Variants in EPB41 observed in about 807,000 individuals in gnomAD.
The protein encoded by EPB41 is erythrocyte membrane protein band 4.1.
A neutral mutation model predicts 108.0 loss-of-function variants in EPB41; 65 were observed. That is an observed-to-expected ratio of 0.60 (90% CI 0.49 to 0.74). The LOEUF (loss-of-function observed/expected upper bound fraction) is 0.74, where lower values mean the gene tolerates loss of function less well. Among genes scored for constraint, EPB41 ranks in the 30% least tolerant of loss-of-function variants. EPB41 has a pLI of 0.00. For missense variants in EPB41, 875 were observed against 1,037.0 expected, an observed-to-expected ratio of 0.84 and a Z score of 2.15; for synonymous variants, 336 against 358.9, an observed-to-expected ratio of 0.94 and a Z score of 0.72.
At chr1:28,995,575 T>TA (rs1274248196) in intron 3 of EPB41, among the ~76,000 whole-genome samples, 1 of 152,050 alleles carries the variant, frequency 6.6e-6, no homozygotes, top group Non-Finnish European at 1.5e-5. Context: ...CAAAACAAAA[T>TA]AAAAACTAGA....
chr1:29,094,777 G>A (rs565200639), intron 16 of EPB41, among the ~76,000 whole-genome samples: 2 of 152,170 alleles, frequency 1.3e-5, no homozygotes, highest in Non-Finnish European at 2.9e-5. Context: ...CATCTACTGG[G>A]ATGGTATCTT....
Position 29,119,151 on chromosome 1 carries a change from G to A in EPB41, c.*2339G>A, listed in dbSNP as rs930820564. 2 of 152,578 alleles carry A rather than the reference G, an allele frequency of 1.3e-5. No individual in the cohort carries two copies. The highest frequency in any genetic ancestry group is 2.4e-5 in the African/African-American group (1 of 41,452). The allele number at this position is 152,578 out of a possible 1,614,324, so 9.5% of individuals were successfully genotyped here. Reference sequence around the variant, plus strand: ...TAAATTGGATGAAAAGAGCTCTAATGCCTTTCAGGCTCTTAGAAGCCATAG... The same window carrying A: ...TAAATTGGATGAAAAGAGCTCTAATACCTTTCAGGCTCTTAGAAGCCATAG... On this transcript the variant is annotated 3_prime_UTR_variant, in exon 21 of 21. Transcript: ENST00000343067.
chr1:29,054,719 G>A (rs557078038), intron 12 of EPB41, among the ~76,000 whole-genome samples: 25 of 152,154 alleles, frequency 1.6e-4, no homozygotes, highest in South Asian at 4.2e-4. Flanking sequence ...GTATGGTGAC[G>A]CACATCTGTA....
intron 1 of EPB41, among the ~76,000 whole-genome samples, chr1:28,961,940 T>G (rs551015054): frequency 6.6e-6 from 1 of 152,288 alleles, no homozygotes; most frequent in East Asian, 1.9e-4. Flanking sequence ...GCAATAGTAA[T>G]TTTAGTGTAT....
chr1:28,889,009 G>A (rs1465207338), intron 1 of EPB41, among the ~76,000 whole-genome samples: 1 of 152,182 alleles, frequency 6.6e-6, no homozygotes, highest in East Asian at 1.9e-4. Context: ...AAGCTGAAGG[G>A]AGCAGAGGGA....
chr1:29,034,061 A>G lies in EPB41; in HGVS notation c.1365+816A>G, dbSNP rs763082158. Among the ~76,000 whole-genome samples, 5 of 152,166 alleles carry G rather than the reference A, an allele frequency of 3.3e-5. No individual in the cohort carries two copies. In the South Asian group the frequency reaches 1.0e-3, roughly 31 times the overall value. On this transcript the variant is annotated intron_variant, in intron 9 of 20. Coordinates refer to ENST00000343067, the MANE Select transcript of EPB41 (RefSeq NM_001376013.1). ...CACCATCTGCTGGTGAATAATGGCT[A>G]ATTATTTGTGCCTGCAAATTCTGGA...
At chr1:29,104,141 G>T (rs1253255974) in intron 17 of EPB41, among the ~76,000 whole-genome samples, 2 of 152,106 alleles carry the variant, frequency 1.3e-5, no homozygotes, top group Non-Finnish European at 1.5e-5. Context: ...GCTAATAGTT[G>T]TACCTCATAG....
In EPB41 at chr1:28,968,973, CCCA is replaced by C. The variant is rs1418600021; in HGVS notation, c.-7-18455_-7-18453del. ...AAGTGATACTCTGCCTCCAAAACCC[CCCA>C]CCCCCCAAAAAAAAAACACAAACTA... On this transcript the variant is annotated intron_variant, in intron 1 of 20. Coordinates refer to ENST00000343067, the MANE Select transcript of EPB41 (RefSeq NM_001376013.1). Among the ~76,000 whole-genome samples the C allele has an allele frequency of 1.2e-3, 150 of 125,018 alleles. 8 individuals are homozygous for C. In the East Asian group the frequency reaches 0.04, roughly 33 times the overall value. 82.0% of individuals were successfully genotyped at this position (125,018 alleles called of 152,430 possible). A position where few individuals can be genotyped will look rare whatever the true frequency, so the allele number is the denominator to read the frequency against.
rs533714061 is a variant in EPB41, at chr1:28,960,624, A to G, written c.-7-26807A>G. Among the ~76,000 whole-genome samples the G allele has an allele frequency of 6.6e-5, 10 of 151,226 alleles. No homozygotes were observed. The East Asian group carries it at 2.0e-3, about 30-fold the overall frequency. The stretch of plus-strand genomic sequence containing the variant: ...GCTTAGTGTGGTGATTTGCTCCTGT[A>G]GAGGCTGTGGTAGGAGGATCATTTG... On this transcript the variant is annotated intron_variant, in intron 1 of 20. Transcript: ENST00000343067.
At chr1:29,102,384 T>A (rs1432614690) in intron 17 of EPB41, among the ~76,000 whole-genome samples, 2 of 152,028 alleles carry the variant, frequency 1.3e-5, no homozygotes, top group Non-Finnish European at 1.5e-5. Context: ...TGTGTTTAGG[T>A]TTGTATATCA....
chr1:29,047,262 T>C (rs1558142319), intron 11 of EPB41, among the ~76,000 whole-genome samples: 1 of 143,420 alleles, frequency 7.0e-6, no homozygotes, highest in Non-Finnish European at 1.5e-5. Flanking sequence ...CCTTTTTTTT[T>C]TTTTTTTGGA....
chr1:29,097,616 C>G (rs1387636935), intron 16 of EPB41, 191 bp from the exon 17 acceptor site: 5 of 631,644 alleles, frequency 7.9e-6, no homozygotes, highest in Non-Finnish European at 1.1e-5. Flanking sequence ...TTTTAATATC[C>G]CTCATGATTT....
chr1:29,035,816 G>GT lies in EPB41; in HGVS notation c.1366-5dup, dbSNP rs1181461931. 1 of 1,605,822 alleles carries GT rather than the reference G, an allele frequency of 6.2e-7. No individual in the cohort carries two copies. Among genetic ancestry groups the GT allele is most frequent in the Non-Finnish European group, 8.5e-7 (1 of 1,172,542 alleles). On this transcript the variant is annotated splice_polypyrimidine_tract_variant and intron_variant, in intron 9 of 20. Transcript: ENST00000343067. ...TACTTCATGTCCCATGTTTATTTGT[G>GT]TTTTTGTAGCAAGAGCAGTATGAAA... is the stretch of plus-strand genomic sequence containing the variant.
intron 1 of EPB41, among the ~76,000 whole-genome samples, chr1:28,929,281 A>C (rs556663432): frequency 2.0e-5 from 3 of 150,568 alleles, no homozygotes; most frequent in Non-Finnish European, 4.4e-5. Flanking sequence ...GCTGGAGTGC[A>C]GTGGCGCTGT....
intron 7 of EPB41, among the ~76,000 whole-genome samples, chr1:29,020,832 AT>A (rs1185062207): frequency 1.3e-5 from 2 of 151,960 alleles, no homozygotes; most frequent in African/African-American, 2.4e-5. Flanking sequence ...TAATTTTTAA[AT>A]TTTTTTGTAG....
rs770764638 is a variant in EPB41, at chr1:28,921,961, T to TATATATATAC, written c.-8+7194_-8+7195insTATATATACA. The stretch of plus-strand genomic sequence containing the variant: ...TTTTATATATATATATATATATATA[T>TATATATATAC]ACACTTTTTTTTTGTTTTTTTTTTT... On this transcript the variant is annotated intron_variant, in intron 1 of 20. Coordinates refer to ENST00000343067, the MANE Select transcript of EPB41 (RefSeq NM_001376013.1). Among the ~76,000 whole-genome samples the TATATATATAC allele has an allele frequency of 1.7e-3, 189 of 109,906 alleles. 4 individuals are homozygous for TATATATATAC. The highest frequency in any genetic ancestry group is 9.6e-3 in the South Asian group (25 of 2,610). 72.1% of individuals were successfully genotyped at this position (109,906 alleles called of 152,430 possible).
intron 16 of EPB41, among the ~76,000 whole-genome samples, chr1:29,080,174 A>G (rs1655938255): frequency 1.3e-5 from 2 of 151,288 alleles, no homozygotes; most frequent in African/African-American, 4.8e-5. Context: ...GCCAAAGTGC[A>G]GTGGCGCAAT....
At position 28,887,524 on chromosome 1, in the gene EPB41, C is replaced by G; in HGVS notation, c.-8+314C>G. 1 of 985,290 alleles carries G rather than the reference C, an allele frequency of 1.0e-6. No individual in the cohort carries two copies. The highest frequency in any genetic ancestry group is 1.2e-6 in the Non-Finnish European group (1 of 829,874). The allele number at this position is 985,290 out of a possible 1,614,324, so 61.0% of individuals were successfully genotyped here. On this transcript the variant is annotated intron_variant, in intron 1 of 16. Coordinates refer to the EPB41 transcript ENST00000347529. The surrounding 1 kb of genome is among the most constrained non-coding windows in gnomAD (Gnocchi z 4.9). Reference sequence around the variant, plus strand: ...CTGTCTGGGGCGGGGGTCCTGCATTCGGTGTCCGCGGGAGAGTCCCTGCAG... The same window carrying G: ...CTGTCTGGGGCGGGGGTCCTGCATTGGGTGTCCGCGGGAGAGTCCCTGCAG...
chr1:28,923,227 C>T (rs1038154855), intron 1 of EPB41, among the ~76,000 whole-genome samples: 1 of 148,480 alleles, frequency 6.7e-6, no homozygotes, highest in Non-Finnish European at 1.5e-5. Flanking sequence ...TCCCAAGTAG[C>T]TGGGATTACA....
Sources: allele counts gnomAD v4.1 joint callset (sites outside exome capture counted in the v4.1 genomes callset), GRCh38; gene constraint gnomAD v4.1.1; non-coding constraint Gnocchi (gnomAD v3.1); transcripts MANE v1.5; gene names NCBI Gene and HGNC (gene_info 2026-07-23, HGNC 2026-07-21).